The following ETFDH variants were observed in gnomAD, a reference collection of about 807,000 sequenced individuals.
The protein encoded by ETFDH is electron transfer flavoprotein dehydrogenase.
In ETFDH, 61 loss-of-function variants were observed where a neutral mutation model predicts 73.2. The ratio of observed to expected loss-of-function variants is 0.83; its 90% confidence interval spans 0.68 to 1.03. The LOEUF (loss-of-function observed/expected upper bound fraction) is 1.03. Ranked by LOEUF, ETFDH falls within the 50% of genes least tolerant of loss-of-function variation. The pLI, the probability that ETFDH is intolerant of heterozygous loss-of-function variation, is 0.00. For synonymous variants in ETFDH, 243 were observed against 253.3 expected (o/e 0.96, Z 0.39); for missense variants, 685 against 745.0 (o/e 0.92, Z 0.94).
chr4:158,706,767 A>T lies in ETFDH; in HGVS notation c.1607A>T (p.His536Leu). 1.2e-6 allele frequency: 2 copies of T among 1,614,000 alleles called. No homozygotes were observed. Among genetic ancestry groups the T allele is most frequent in the South Asian group, 2.2e-5 (2 of 91,076 alleles). ...GTNHEHDQPA[H>L]LTLRDDSIPV... is the part of the protein sequence containing the mutation. ...AATCATGAACATGACCAGCCGGCAC[A>T]CTTAACCTTAAGGGATGACAGTATA... is the stretch of plus-strand genomic sequence containing the variant. The change falls in exon 12 of 13, where the codon CAC (histidine) becomes CTC (leucine). Residue 536 changes from histidine to leucine, a missense_variant. His to Leu is a moderately conservative substitution (Grantham distance 99). Transcript: ENST00000511912.
rs888888537 is a variant in ETFDH at position 158,708,425 on chromosome 4, G to C, written c.1752G>C (p.Gln584His). 1.2e-6 allele frequency: 2 copies of C among 1,611,356 alleles called. No individual in the cohort carries two copies. The highest frequency in any genetic ancestry group is 1.1e-5 in the South Asian group (1 of 91,054). ...GDGFRLQINA[Q>H]NCVHCKTCDI... ...GATTTCGGTTACAGATAAATGCTCA[G>C]AACTGTGTACATTGTAAAACATGTG... Residue 584 changes from glutamine to histidine, a missense_variant, in exon 13 of 13, where the codon CAG becomes CAC. This residue lies in a region of ETFDH where 201 missense variants were observed against 225.2 expected (regional missense o/e 0.89). Coordinates refer to ENST00000511912, the MANE Select transcript of ETFDH (RefSeq NM_004453.4).
chr4:158,704,257 C>T (rs1774547357), intron 10 of ETFDH, among the ~76,000 whole-genome samples: 1 of 152,240 alleles, frequency 6.6e-6, no homozygotes, highest in Non-Finnish European at 1.5e-5. Flanking sequence ...TTACAAAAGG[C>T]AGAATTAGCT....
intron 11 of ETFDH, 64 bp from the exon 12 acceptor site, chr4:158,706,565 T>C: frequency 7.3e-7 from 1 of 1,376,852 alleles, no homozygotes; most frequent in Non-Finnish European, 1.0e-6. Context: ...TTTATACAAA[T>C]AGGCTTAAGA....
At chr4:158,672,736 G>C (rs1321110214) in intron 1 of ETFDH, among the ~76,000 whole-genome samples, 1 of 151,998 alleles carries the variant, frequency 6.6e-6, no homozygotes, top group Non-Finnish European at 1.5e-5. Flanking sequence ...ACACGCCCTC[G>C]GCATCACCAC....
chr4:158,708,010 AC>A (rs1345284145), intron 12 of ETFDH, among the ~76,000 whole-genome samples: 1 of 152,220 alleles, frequency 6.6e-6, no homozygotes, highest in African/African-American at 2.4e-5. Context: ...TAAGTTGAGT[AC>A]TACCTGAGGT....
rs200645257 is a variant in ETFDH, at chr4:158,706,177, T to G, written c.1286-12T>G. 23 of 1,588,866 alleles carry G rather than the reference T, an allele frequency of 1.4e-5. No homozygotes were observed. The highest frequency in any genetic ancestry group is 1.8e-5 in the Non-Finnish European group (21 of 1,157,086). ...CAGTTTCGCACTTAACATTTCATGT[T>G]TTTAATAAAAGGACTCCATGTAACT... On this transcript the variant is annotated splice_polypyrimidine_tract_variant and intron_variant, in intron 10 of 12. Transcript: ENST00000511912.
chr4:158,698,853 T>G (rs770560462), intron 8 of ETFDH, 134 bp from the exon 9 acceptor site: 2 of 646,030 alleles, frequency 3.1e-6, no homozygotes, highest in Non-Finnish European at 5.5e-6. Flanking sequence ...TTTGGATTAC[T>G]GCACATAGTG....
rs749940975 is a variant in ETFDH at position 158,708,719 on chromosome 4, A to T, written c.*192A>T. 13 of 563,932 alleles carry T rather than the reference A, an allele frequency of 2.3e-5. No homozygotes were observed. The African/African-American group carries it at 2.4e-4, about 11-fold the overall frequency. The allele number at this position is 563,932 out of a possible 1,614,324, so 34.9% of individuals were successfully genotyped here. A position where few individuals can be genotyped will look rare whatever the true frequency, so the allele number is the denominator to read the frequency against. On this transcript the variant is annotated 3_prime_UTR_variant, in exon 13 of 13. Transcript: ENST00000511912. ...CGGGTATTGCTTTTAAATAACCTTT[A>T]TAAGAATGCAGCATCTTCCTACCTC...
In ETFDH at chr4:158,708,603, T is replaced by C; in HGVS notation, c.*76T>C. Reference sequence around the variant, plus strand: ...TTAGAGATTAACAGATTTCAGAATGTCTTTCTGCATATTACTGAACAGAAT... The same window carrying C: ...TTAGAGATTAACAGATTTCAGAATGCCTTTCTGCATATTACTGAACAGAAT... On this transcript the variant is annotated 3_prime_UTR_variant, in exon 13 of 13. Coordinates refer to ENST00000511912, the MANE Select transcript of ETFDH (RefSeq NM_004453.4). 8.4e-7 allele frequency: 1 copy of C among 1,190,892 alleles called. No homozygotes were observed. The highest frequency in any genetic ancestry group is 1.2e-5 in the South Asian group (1 of 81,144). 73.8% of individuals were successfully genotyped at this position (1,190,892 alleles called of 1,614,324 possible). A position where few individuals can be genotyped will look rare whatever the true frequency, so the allele number is the denominator to read the frequency against.
At chr4:158,706,083 A>T in intron 10 of ETFDH, 106 bp from the exon 11 acceptor site, 1 of 827,470 alleles carries the variant, frequency 1.2e-6, no homozygotes. Flanking sequence ...CTTGTCTCGA[A>T]AAAAGAAAAA....
chr4:158,694,734 T>C (rs1348512043), intron 6 of ETFDH, among the ~76,000 whole-genome samples: 2 of 152,174 alleles, frequency 1.3e-5, no homozygotes, highest in Non-Finnish European at 2.9e-5. Context: ...GATGGAAATA[T>C]ATGCATTGCT....
intron 6 of ETFDH, among the ~76,000 whole-genome samples, chr4:158,694,845 A>C (rs1271110900): frequency 6.6e-6 from 1 of 152,158 alleles, no homozygotes; most frequent in East Asian, 1.9e-4. Context: ...TTATAGGAAT[A>C]AAAGCACCAA....
rs1773591413 is a variant in ETFDH, at chr4:158,672,369, C to A, written c.-88C>A. The A allele has an allele frequency of 1.4e-6, 2 of 1,384,080 alleles. No individual in the cohort carries two copies. The highest frequency in any genetic ancestry group is 2.1e-6 in the Non-Finnish European group (2 of 971,416). The allele number at this position is 1,384,080 out of a possible 1,614,324, so 85.7% of individuals were successfully genotyped here. A position where few individuals can be genotyped will look rare whatever the true frequency, so the allele number is the denominator to read the frequency against. On this transcript the variant is annotated 5_prime_UTR_variant, in exon 1 of 13. Coordinates refer to ENST00000511912, the MANE Select transcript of ETFDH (RefSeq NM_004453.4). ...TCTTGCTTTCCGGCAGGTGATGGCG[C>A]CCCCCGCGGCCTAGAGGTCCAGCGC...
chr4:158,690,556 G>A, intron 6 of ETFDH, 131 bp downstream of exon 6: 1 of 718,452 alleles, frequency 1.4e-6, no homozygotes, highest in African/African-American at 1.8e-5. Flanking sequence ...GTATACACCT[G>A]TAGTCCTAGC....
intron 1 of ETFDH, among the ~76,000 whole-genome samples, chr4:158,675,623 T>C (rs533612874): frequency 6.6e-6 from 1 of 152,118 alleles, no homozygotes; most frequent in Non-Finnish European, 1.5e-5. Flanking sequence ...GAAACAATTA[T>C]CCGGGCATGG....
intron 10 of ETFDH, among the ~76,000 whole-genome samples, chr4:158,704,703 G>T (rs1017623516): frequency 6.6e-6 from 1 of 152,106 alleles, no homozygotes; most frequent in Non-Finnish European, 1.5e-5. Flanking sequence ...CCTGGCACAC[G>T]GTAGCGACTC....
At chr4:158,706,872 T>C in intron 12 of ETFDH, 22 bp downstream of exon 12, 1 of 1,460,134 alleles carries the variant, frequency 6.8e-7, no homozygotes, top group Non-Finnish European at 9.6e-7. Context: ...CATCTATTCC[T>C]AAATATTTGC....
At chr4:158,680,845 T>G (rs1166119655) in intron 2 of ETFDH, among the ~76,000 whole-genome samples, 1 of 152,178 alleles carries the variant, frequency 6.6e-6, no homozygotes, top group African/African-American at 2.4e-5. Context: ...TTTTAGAACA[T>G]AGCTTCCAGA....
intron 5 of ETFDH, among the ~76,000 whole-genome samples, chr4:158,690,089 C>T (rs1671593088): frequency 6.6e-6 from 1 of 152,086 alleles, no homozygotes; most frequent in Non-Finnish European, 1.5e-5. Flanking sequence ...CTAGTAATCT[C>T]TCTAGTAGTC....
Sources: gnomAD v4.1 joint callset for allele counts (sites outside exome capture counted in the v4.1 genomes callset) on GRCh38, gnomAD v4.1.1 for gene constraint, gnomAD v4.1.1 regional missense constraint, MANE v1.5 for transcripts, NCBI Gene and HGNC (gene_info 2026-07-23, HGNC 2026-07-21) for gene names.